Variants in CHMP4B observed in about 807,000 individuals in gnomAD.
CHMP4B encodes the protein charged multivesicular body protein 4B.
CHMP4B carries 1 observed loss-of-function variant against 25.1 expected under a neutral mutation model. The ratio of observed to expected loss-of-function variants is 0.04; its 90% CI spans 0.01 to 0.19. The LOEUF is 0.19. CHMP4B is among the 10% of genes least tolerant of loss of function. The pLI is 1.00. For missense variants in CHMP4B, 151 were observed against 289.7 expected, an observed-to-expected ratio of 0.52 and a Z score of 3.48; for synonymous variants, 101 against 115.6, an observed-to-expected ratio of 0.87 and a Z score of 0.81.
rs1422118636 is a variant in CHMP4B, at chr20:33,826,374, G to A, written c.190+14716G>A. Among the ~76,000 whole-genome samples the A allele has an allele frequency of 3.9e-5, 6 of 152,198 alleles. No homozygotes were observed. The East Asian group carries it at 1.2e-3, about 29-fold the overall frequency. On this transcript the variant is annotated intron_variant, in intron 1 of 4. Coordinates refer to ENST00000217402, the MANE Select transcript of CHMP4B (RefSeq NM_176812.5). ...ATGTGGGAGGGTTGAGGGGTTATGG[G>A]GTATAGATGAGGGGTAGTGGTGGCT...
intron 1 of CHMP4B, among the ~76,000 whole-genome samples, chr20:33,814,446 G>A (rs1327538512): frequency 1.3e-5 from 2 of 152,174 alleles, no homozygotes; most frequent in African/African-American, 4.8e-5. Flanking sequence ...AGAGGAGGCG[G>A]CACCTGTTTG....
At chr20:33,848,430 C>T (rs370277050) in intron 1 of CHMP4B, 37 bp from the exon 2 acceptor site, 233 of 1,610,024 alleles carry the variant, frequency 1.4e-4, no homozygotes, top group Admixed American at 2.5e-4. Flanking sequence ...CACCCTGTGC[C>T]GGGACTCTCT....
rs1555792007 is a variant in CHMP4B at position 33,830,933 on chromosome 20, G to GTTTTTTTTTTTTGTT, written c.191-17522_191-17521insGTTTTTTTTTTTTTT. On this transcript the variant is annotated intron_variant, in intron 1 of 4. Coordinates refer to ENST00000217402, the MANE Select transcript of CHMP4B (RefSeq NM_176812.5). The stretch of plus-strand genomic sequence containing the variant: ...TGAATTAATTGTTCAAAGGAACAGA[G>GTTTTTTTTTTTTGTT]TTTTTTTTTTTTTTTTAGTTTTTTT... 3.9e-5 allele frequency among the ~76,000 whole-genome samples: 4 copies of GTTTTTTTTTTTTGTT among 102,524 alleles called. 1 individual carries two copies. Among genetic ancestry groups the GTTTTTTTTTTTTGTT allele is most frequent in the Admixed American group, 1.2e-4 (1 of 8,644 alleles). The allele number at this position is 102,524 out of a possible 152,430, so 67.3% of individuals were successfully genotyped here. A position where few individuals can be genotyped will look rare whatever the true frequency, so the allele number is the denominator to read the frequency against.
At position 33,811,369 on chromosome 20, in the gene CHMP4B, G is replaced by A. The variant is rs925786710; in HGVS notation, c.-100G>A. The A allele has an allele frequency of 7.2e-4, 742 of 1,035,566 alleles. No homozygotes were observed. Among genetic ancestry groups the A allele is most frequent in the Non-Finnish European group, 8.9e-4 (720 of 808,488 alleles). 64.1% of individuals were successfully genotyped at this position (1,035,566 alleles called of 1,614,324 possible). A position where few individuals can be genotyped will look rare whatever the true frequency, so the allele number is the denominator to read the frequency against. ...CGGAGGAGAGGCCTGCGGCGGCAGGGAGCGGCGGGACTGGGAGCGGGCGCC... is the reference window on the plus strand; with the variant it reads ...CGGAGGAGAGGCCTGCGGCGGCAGGAAGCGGCGGGACTGGGAGCGGGCGCC... On this transcript the variant is annotated 5_prime_UTR_variant, in exon 1 of 5. Transcript: ENST00000217402.
chr20:33,849,538 C>T (rs1422250292), intron 2 of CHMP4B, among the ~76,000 whole-genome samples: 1 of 152,146 alleles, frequency 6.6e-6, no homozygotes, highest in African/African-American at 2.4e-5. Context: ...GTGGAAGTTG[C>T]AGTGAGCCAA....
chr20:33,826,487 A>G (rs1042341836), intron 1 of CHMP4B, among the ~76,000 whole-genome samples: 5 of 152,122 alleles, frequency 3.3e-5, no homozygotes, highest in African/African-American at 1.2e-4. Context: ...ATTTAGCGAG[A>G]CACATACCAA....
At chr20:33,820,012 A>G (rs1978891218) in intron 1 of CHMP4B, among the ~76,000 whole-genome samples, 1 of 108,660 alleles carries the variant, frequency 9.2e-6, no homozygotes, top group Admixed American at 8.8e-5. Context: ...CTAAAAATAC[A>G]AAAAAAAAAA....
intron 1 of CHMP4B, among the ~76,000 whole-genome samples, chr20:33,833,663 AG>A: frequency 6.6e-6 from 1 of 152,184 alleles, no homozygotes; most frequent in East Asian, 1.9e-4. Context: ...TTCTCTCTTT[AG>A]CTTTTATCTT....
At chr20:33,848,437 C>G (rs749076464) in intron 1 of CHMP4B, 30 bp from the exon 2 acceptor site, 1 of 1,612,762 alleles carries the variant, frequency 6.2e-7, no homozygotes, top group Admixed American at 1.7e-5. Context: ...TGCCGGGACT[C>G]TCTGAAACCC....
At chr20:33,847,309 CAGCTT>C (rs1410624863) in intron 1 of CHMP4B, among the ~76,000 whole-genome samples, 1 of 151,422 alleles carries the variant, frequency 6.6e-6, no homozygotes, top group Admixed American at 6.6e-5. Context: ...AACAAAGGGA[CAGCTT>C]TTTGAGCTAC....
intron 1 of CHMP4B, among the ~76,000 whole-genome samples, chr20:33,839,018 C>G (rs921227221): frequency 6.6e-6 from 1 of 152,172 alleles, no homozygotes; most frequent in Admixed American, 6.5e-5. Flanking sequence ...TCTGCTACTT[C>G]CCTCCAGGTA....
intron 1 of CHMP4B, among the ~76,000 whole-genome samples, chr20:33,828,687 G>C (rs1979160447): frequency 6.6e-6 from 1 of 152,086 alleles, no homozygotes; most frequent in African/African-American, 2.4e-5. Flanking sequence ...AGGACTCTGG[G>C]GAGGGTTAGG....
chr20:33,849,753 G>A (rs546305009), intron 2 of CHMP4B, among the ~76,000 whole-genome samples: 23 of 152,256 alleles, frequency 1.5e-4, no homozygotes, highest in Middle Eastern at 3.4e-3. Flanking sequence ...CTATGGGCTT[G>A]CCATCTGTTT....
chr20:33,843,706 G>A (rs528638041), intron 1 of CHMP4B, among the ~76,000 whole-genome samples: 5 of 152,284 alleles, frequency 3.3e-5, no homozygotes, highest in South Asian at 2.1e-4. Flanking sequence ...GAAGAATGGC[G>A]TTTTACTTGT....
chr20:33,841,728 T>C (rs1025830816), intron 1 of CHMP4B, among the ~76,000 whole-genome samples: 12 of 152,190 alleles, frequency 7.9e-5, no homozygotes, highest in Non-Finnish European at 1.3e-4. Flanking sequence ...CCATTCTTTT[T>C]TCCCCCCCTT....
chr20:33,831,752 T>TTTTTTTTTTTGAGACGGAGTCTCGC (rs1568608001), intron 1 of CHMP4B, among the ~76,000 whole-genome samples: 2 of 152,248 alleles, frequency 1.3e-5, no homozygotes, highest in African/African-American at 4.8e-5. Flanking sequence ...TTTTATTATT[T>TTTTTTTTTTTGAGACGGAGTCTCGC]TCACATATAC....
In CHMP4B at chr20:33,832,774, G is replaced by GT. The variant is rs1568608241; in HGVS notation, c.191-15693_191-15692insT. Reference sequence around the variant, plus strand: ...TGCTCTTTATAGTTTTACAATAAATGATTTTTTTTTTTTTTTTTTAAAGAG... The same window carrying GT: ...TGCTCTTTATAGTTTTACAATAAATGTATTTTTTTTTTTTTTTTTTAAAGAG... On this transcript the variant is annotated intron_variant, in intron 1 of 4. Coordinates refer to ENST00000217402, the MANE Select transcript of CHMP4B (RefSeq NM_176812.5). 2.6e-4 allele frequency among the ~76,000 whole-genome samples: 31 copies of GT among 120,724 alleles called. 1 individual carries two copies. In the Admixed American group the frequency reaches 2.9e-3, roughly 11 times the overall value. 79.2% of individuals were successfully genotyped at this position (120,724 alleles called of 152,430 possible).
At position 33,813,846 on chromosome 20, in the gene CHMP4B, C is replaced by T. The variant is rs150801339; in HGVS notation, c.190+2188C>T. Among the ~76,000 whole-genome samples, 1,135 of 152,264 alleles carry T rather than the reference C, an allele frequency of 7.5e-3. 13 individuals are homozygous for T. The highest frequency in any genetic ancestry group is 0.026 in the African/African-American group (1,082 of 41,544). ...CTTCTGGGTTCAAATGATTCTCCTG[C>T]GTCAGCCTCCTGAGTAGCTGGGATT... On this transcript the variant is annotated intron_variant, in intron 1 of 4. Transcript: ENST00000217402.
At chr20:33,829,258 A>G (rs977648737) in intron 1 of CHMP4B, among the ~76,000 whole-genome samples, 2 of 152,244 alleles carry the variant, frequency 1.3e-5, no homozygotes, top group African/African-American at 2.4e-5. Flanking sequence ...GTTTATAAAC[A>G]TAGGAAAGGG....
Sources: allele counts gnomAD v4.1 joint callset (sites outside exome capture counted in the v4.1 genomes callset), GRCh38; gene constraint gnomAD v4.1.1; transcripts MANE v1.5; gene names NCBI Gene and HGNC (gene_info 2026-07-23, HGNC 2026-07-21).